DCAF8L2: variants seen among roughly 807,000 people sequenced by gnomAD.
DCAF8L2 encodes DDB1- and CUL4-associated factor 8-like protein 2.
For synonymous variants in DCAF8L2, 200 were observed against 190.9 expected, an observed-to-expected ratio of 1.05 and a Z score of -0.39; for missense variants, 430 against 490.7, an observed-to-expected ratio of 0.88 and a Z score of 1.17.
intron 4 of DCAF8L2, among the ~76,000 whole-genome samples, chrX:27,728,155 T>C (rs1199186840): frequency 9.0e-6 from 1 of 111,576 alleles, no homozygotes; most frequent in African/African-American, 3.3e-5. Context: ...GATGAGTTAA[T>C]GCACCTTAGG....
At chrX:27,609,529 G>A (rs879200879) in intron 1 of DCAF8L2, among the ~76,000 whole-genome samples, 3 of 111,151 alleles carry the variant, frequency 2.7e-5, no homozygotes, top group Non-Finnish European at 5.7e-5. Flanking sequence ...TCCAGGGCAC[G>A]TTTAGGTGAA....
At chrX:27,617,748 T>C (rs763155520) in intron 1 of DCAF8L2, among the ~76,000 whole-genome samples, 2 of 111,547 alleles carry the variant, frequency 1.8e-5, no homozygotes, top group African/African-American at 3.2e-5. Flanking sequence ...TTATTAGATA[T>C]TTTTTATTTA....
chrX:27,577,518 T>C, the DCAF8L2 span, among the ~76,000 whole-genome samples: 3 of 111,786 alleles, frequency 2.7e-5, no homozygotes, highest in Admixed American at 9.5e-5. Context: ...TATATGTAAA[T>C]ATTAAAGACA....
chrX:27,598,143 T>A (rs946532170), intron 1 of DCAF8L2, among the ~76,000 whole-genome samples: 2 of 112,395 alleles, frequency 1.8e-5, no homozygotes, highest in African/African-American at 6.5e-5. Context: ...TTGGAAAATT[T>A]GAAGGATGTA....
chrX:27,691,163 C>A (rs932283829), intron 3 of DCAF8L2, among the ~76,000 whole-genome samples: 1 of 111,345 alleles, frequency 9.0e-6, no homozygotes, highest in African/African-American at 3.3e-5. Context: ...AGATCTAAAT[C>A]AAATTGCAGC....
Position 27,722,324 on chromosome X carries a change from A to G in DCAF8L2, c.-59+6153A>G, listed in dbSNP as rs144622842. 8.4e-3 allele frequency among the ~76,000 whole-genome samples: 942 copies of G among 111,694 alleles called. 12 individuals are homozygous for G. The highest frequency in any genetic ancestry group is 0.029 in the African/African-American group (899 of 30,861). On this transcript the variant is annotated intron_variant, in intron 4 of 4. Coordinates refer to ENST00000451261, the MANE Select transcript of DCAF8L2 (RefSeq NM_001353450.2). ...AATGTGGTTACGTTCTGATAAGCCC[A>G]TCATAAGTTGAAAATATTGTAGGTT... is the stretch of plus-strand genomic sequence containing the variant.
intron 2 of DCAF8L2, among the ~76,000 whole-genome samples, chrX:27,660,239 G>C (rs762859311): frequency 3.1e-4 from 34 of 111,248 alleles, no homozygotes; most frequent in African/African-American, 1.0e-3. Flanking sequence ...GGCCAGACTG[G>C]TCATGAACTC....
chrX:27,531,932 C>G, the DCAF8L2 span, among the ~76,000 whole-genome samples: 1 of 111,254 alleles, frequency 9.0e-6, no homozygotes, highest in African/African-American at 3.3e-5. Context: ...GAGCCACTAG[C>G]TAAAAAGCTT....
the DCAF8L2 span, among the ~76,000 whole-genome samples, chrX:27,511,185 A>C: frequency 9.0e-6 from 1 of 111,343 alleles, no homozygotes; most frequent in African/African-American, 3.3e-5. Context: ...TTTACATTAA[A>C]AATAAAGCTT....
intron 2 of DCAF8L2, among the ~76,000 whole-genome samples, chrX:27,669,812 T>C (rs989985525): frequency 9.0e-6 from 1 of 111,620 alleles, no homozygotes; most frequent in Admixed American, 9.6e-5. Context: ...CTCATCCTTT[T>C]TTATGGCTGC....
At chrX:27,514,938 A>T in the DCAF8L2 span, among the ~76,000 whole-genome samples, 1 of 111,246 alleles carries the variant, frequency 9.0e-6, no homozygotes, top group Non-Finnish European at 1.9e-5. Context: ...ACAACGTTAC[A>T]GTTAGGAAGA....
chrX:27,558,643 T>C, the DCAF8L2 span, among the ~76,000 whole-genome samples: 1 of 110,200 alleles, frequency 9.1e-6, no homozygotes, highest in Non-Finnish European at 1.9e-5. Flanking sequence ...AGTTTTAGGG[T>C]ACATGTACAC....
the DCAF8L2 span, among the ~76,000 whole-genome samples, chrX:27,563,221 GA>G: frequency 2.7e-5 from 3 of 109,630 alleles, no homozygotes; most frequent in East Asian, 2.8e-4. Flanking sequence ...GAAAAAAATA[GA>G]AAAAAAAATA....
the DCAF8L2 span, among the ~76,000 whole-genome samples, chrX:27,562,063 A>C: frequency 3.6e-5 from 4 of 112,187 alleles, no homozygotes; most frequent in Non-Finnish European, 7.5e-5. Flanking sequence ...ACATGCCTGT[A>C]AACACTTACT....
the DCAF8L2 span, among the ~76,000 whole-genome samples, chrX:27,507,473 C>T: frequency 1.8e-5 from 2 of 111,824 alleles, no homozygotes; most frequent in Admixed American, 1.9e-4. Context: ...TCCTAAAGCG[C>T]AAACTATAAA....
chrX:27,481,070 TAGTCCA>T, the DCAF8L2 span, among the ~76,000 whole-genome samples: 1 of 111,415 alleles, frequency 9.0e-6, no homozygotes, highest in Admixed American at 9.6e-5. Context: ...TACAGGGCTT[TAGTCCA>T]TGTTAAGAAT....
the DCAF8L2 span, among the ~76,000 whole-genome samples, chrX:27,542,134 C>G: frequency 3.9e-3 from 438 of 111,511 alleles, no homozygotes; most frequent in Non-Finnish European, 6.3e-3. Flanking sequence ...TATGTCTTTG[C>G]TACTGTGAAT....
At chrX:27,481,110 G>C in the DCAF8L2 span, among the ~76,000 whole-genome samples, 20,640 of 110,633 alleles carry the variant, frequency 0.19, 1,650 homozygotes, top group East Asian at 0.36. Context: ...GGGTGCAGTG[G>C]CTCACACCTG....
At chrX:27,544,818 A>C in the DCAF8L2 span, among the ~76,000 whole-genome samples, 2 of 111,771 alleles carry the variant, frequency 1.8e-5, no homozygotes, top group Non-Finnish European at 3.8e-5. Context: ...TTAGGAGCCC[A>C]CTGAGATATC....
Sources: gnomAD v4.1 joint callset for allele counts (sites outside exome capture counted in the v4.1 genomes callset) on GRCh38, gnomAD v4.1.1 for gene constraint, MANE v1.5 for transcripts, NCBI Gene and HGNC (gene_info 2026-07-23, HGNC 2026-07-21) for gene names.